Variants in GON4L observed in about 807,000 individuals in gnomAD.
GON4L encodes the protein GON-4-like protein.
A neutral mutation model predicts 211.8 loss-of-function variants in GON4L; 87 were observed. That is an observed-to-expected ratio of 0.41 (90% confidence interval 0.35 to 0.49). GON4L has a LOEUF of 0.49. Ranked by LOEUF, GON4L falls within the 20% of genes least tolerant of loss-of-function variation. The pLI is 0.15. For missense variants in GON4L, 2,155 were observed against 2,659.5 expected, an observed-to-expected ratio of 0.81 and a Z score of 4.17; for synonymous variants, 875 against 962.6, an observed-to-expected ratio of 0.91 and a Z score of 1.68.
chr1:155,750,179 C>T lies in GON4L; in HGVS notation c.*405G>A. ...GAAAGGAGCTAGTTTGCAATAAAAA[C>T]AGCTGGATGCAGGAGCCCAGTGTCT... On this transcript the variant is annotated 3_prime_UTR_variant, in exon 32 of 32. Transcript: ENST00000368331. 1.7e-6 allele frequency: 1 copy of T among 571,644 alleles called. No homozygotes were observed. The highest frequency in any genetic ancestry group is 3.1e-6 in the Non-Finnish European group (1 of 323,130). 35.4% of individuals were successfully genotyped at this position (571,644 alleles called of 1,614,324 possible).
chr1:155,833,683 G>T (rs1199928099), intron 2 of GON4L, among the ~76,000 whole-genome samples: 1 of 139,926 alleles, frequency 7.1e-6, no homozygotes, highest in Non-Finnish European at 1.5e-5. Context: ...AGGGAAGGAA[G>T]GGGAGGGGAG....
chr1:155,760,325 G>C, intron 24 of GON4L, 119 bp downstream of exon 24: 1 of 632,456 alleles, frequency 1.6e-6, no homozygotes. Flanking sequence ...TCTGGGCTAG[G>C]GGATGGCTGT....
rs1400338650 is a variant in GON4L at position 155,758,002 on chromosome 1, G to C, written c.5142C>G (p.Arg1714=). ...AAATCTCCAGCTGCCGAAGGAACTT[G>C]CGGCTCTTCTCAAAAGCCTGCTGCT... ...FEEQQAFEKS[R]KFLRQLEICF... The change falls in exon 25 of 32, where the codon CGC becomes CGG. Residue 1714 remains arginine, a synonymous_variant. Transcript: ENST00000368331. The C allele has an allele frequency of 2.0e-5, 9 of 456,020 alleles. No homozygotes were observed. The East Asian group carries it at 3.2e-4, about 16-fold the overall frequency. The allele number at this position is 456,020 out of a possible 1,614,324, so 28.2% of individuals were successfully genotyped here.
At chr1:155,825,219 T>C (rs1669083153) in intron 3 of GON4L, among the ~76,000 whole-genome samples, 2 of 152,000 alleles carry the variant, frequency 1.3e-5, no homozygotes, top group Admixed American at 6.6e-5. Context: ...AACAGAATGA[T>C]ATACAGCAAT....
At position 155,853,941 on chromosome 1, in the gene GON4L, G is replaced by T. The variant is rs1299488722; in HGVS notation, c.-26-135C>A. On this transcript the variant is annotated intron_variant, in intron 1 of 31. Coordinates refer to ENST00000368331, the MANE Select transcript of GON4L (RefSeq NM_001282860.2). ...CAAATGCACAATTTCCCTTTAGGTG[G>T]AAGTTGAGAGACAGTGGTTAAGTGA... The T allele has an allele frequency of 4.6e-6, 3 of 653,866 alleles. No homozygotes were observed. In the African/African-American group the frequency reaches 5.4e-5, roughly 12 times the overall value. The allele number at this position is 653,866 out of a possible 1,614,324, so 40.5% of individuals were successfully genotyped here. A position where few individuals can be genotyped will look rare whatever the true frequency, so the allele number is the denominator to read the frequency against.
intron 24 of GON4L, among the ~76,000 whole-genome samples, chr1:155,758,972 C>T (rs1661474786): frequency 6.6e-6 from 1 of 151,352 alleles, no homozygotes. Context: ...TTACAGATGC[C>T]AGCCACTGTG....
rs575263065 is a variant in GON4L, at chr1:155,797,968, C to T, written c.1646-2817G>A. 2.6e-5 allele frequency among the ~76,000 whole-genome samples: 4 copies of T among 151,684 alleles called. No homozygotes were observed. The East Asian group carries it at 7.7e-4, about 29-fold the overall frequency. On this transcript the variant is annotated intron_variant, in intron 11 of 31. Coordinates refer to ENST00000368331, the MANE Select transcript of GON4L (RefSeq NM_001282860.2). ...TCGTGGTGTGTGCCTATAGTCCCAGCTACTCAGAAGGCTGAGCTGGAAGGA... is the reference window on the plus strand; with the variant it reads ...TCGTGGTGTGTGCCTATAGTCCCAGTTACTCAGAAGGCTGAGCTGGAAGGA...
At chr1:155,831,729 T>C (rs1384271989) in intron 2 of GON4L, 1 of 149,424 alleles carries the variant, frequency 6.7e-6, no homozygotes, top group Non-Finnish European at 1.5e-5. Flanking sequence ...GTGGTGCAGG[T>C]CTGTAGTCGC....
chr1:155,851,751 C>A (rs1671817983), intron 2 of GON4L, among the ~76,000 whole-genome samples: 1 of 151,648 alleles, frequency 6.6e-6, no homozygotes, highest in African/African-American at 2.4e-5. Flanking sequence ...GGTATCTTTT[C>A]TAAAGCATAA....
downstream of GON4L, chr1:155,747,824 G>A (rs1179361647): frequency 5.0e-6 from 8 of 1,602,308 alleles, no homozygotes; most frequent in Non-Finnish European, 6.8e-6. Context: ...AGGCGGCAGA[G>A]CTGCTACAAG....
chr1:155,748,415 C>T, downstream of GON4L: 2 of 1,610,942 alleles, frequency 1.2e-6, no homozygotes, highest in East Asian at 2.2e-5. Context: ...TCTGCCCTTC[C>T]ACTGCAGTGC....
At chr1:155,745,360 T>A (rs1660217388), downstream of GON4L, among the ~76,000 whole-genome samples, 3 of 151,862 alleles carry the variant, frequency 2.0e-5, no homozygotes, top group Admixed American at 2.0e-4. Context: ...TTCTGAAGAG[T>A]CGTGATCCGT....
At chr1:155,855,440 T>C (rs1011298119) in intron 1 of GON4L, among the ~76,000 whole-genome samples, 27 of 152,016 alleles carry the variant, frequency 1.8e-4, no homozygotes, top group African/African-American at 6.5e-4. Context: ...CGCTGCAGCC[T>C]CGACCTCCTG....
At chr1:155,836,483 C>T (rs1571905138) in intron 2 of GON4L, among the ~76,000 whole-genome samples, 1 of 152,136 alleles carries the variant, frequency 6.6e-6, no homozygotes, top group African/African-American at 2.4e-5. Context: ...CTCCTGACCT[C>T]GTGATCCCCC....
chr1:155,784,987 G>A (rs946847432), intron 13 of GON4L: 2 of 372,210 alleles, frequency 5.4e-6, no homozygotes, highest in Non-Finnish European at 1.0e-5. Flanking sequence ...GTATGTCCCA[G>A]CTACTCAGGA....
intron 8 of GON4L, among the ~76,000 whole-genome samples, chr1:155,814,979 A>T (rs1477293054): frequency 6.6e-6 from 1 of 151,308 alleles, no homozygotes; most frequent in Non-Finnish European, 1.5e-5. Context: ...CAGGCATGGT[A>T]GCGCACGCCT....
At chr1:155,775,443 G>A (rs1428165821) in intron 16 of GON4L, among the ~76,000 whole-genome samples, 1 of 151,820 alleles carries the variant, frequency 6.6e-6, no homozygotes, top group Non-Finnish European at 1.5e-5. Flanking sequence ...AGATTATGAA[G>A]AATGAGGACT....
At position 155,752,229 on chromosome 1, in the gene GON4L, G is replaced by T. The variant is rs200443764; in HGVS notation, c.6204C>A (p.Ser2068=). 6.2e-7 allele frequency: 1 copy of T among 1,612,634 alleles called. No homozygotes were observed. Among genetic ancestry groups the T allele is most frequent in the African/African-American group, 1.3e-5 (1 of 74,748 alleles). ...ATCTCTCTTGAGTGTCTGGTTTCCC[G>T]GACACATGTCTTCTCCCTGCATCTC... ...KTRDAGRRHV[S]GKPDTQERWL... is the part of the protein sequence containing the mutation. The change falls in exon 30 of 32, where the codon TCC becomes TCA. Residue 2068 remains serine (S), a synonymous_variant. Coordinates refer to ENST00000368331, the MANE Select transcript of GON4L (RefSeq NM_001282860.2).
At chr1:155,763,230 T>A in intron 22 of GON4L, 82 bp downstream of exon 22, 2 of 1,363,448 alleles carry the variant, frequency 1.5e-6, no homozygotes. Flanking sequence ...ACCTGGTTTA[T>A]AAGCTACCCA....
Sources: gnomAD v4.1 joint callset for allele counts (sites outside exome capture counted in the v4.1 genomes callset) on GRCh38, gnomAD v4.1.1 for gene constraint, MANE v1.5 for transcripts, NCBI Gene and HGNC (gene_info 2026-07-23, HGNC 2026-07-21) for gene names.